RBM33: variants seen among roughly 807,000 people sequenced by gnomAD.
RBM33 encodes the protein RNA-binding protein 33.
In RBM33, 28 loss-of-function variants were observed where a neutral mutation model predicts 132.6. The ratio of observed to expected loss-of-function variants is 0.21; its 90% CI spans 0.16 to 0.29. The LOEUF (loss-of-function observed/expected upper bound fraction) is 0.29. RBM33 is among the 10% of genes least tolerant of loss of function. The pLI is 1.00. For missense variants in RBM33, 1,291 were observed against 1,518.5 expected (o/e 0.85, Z 2.49); for synonymous variants, 634 against 593.0 (o/e 1.07, Z -1.01).
At chr7:155,652,795 C>G (rs1028155700) in intron 1 of RBM33, among the ~76,000 whole-genome samples, 1 of 152,130 alleles carries the variant, frequency 6.6e-6, no homozygotes, top group Non-Finnish European at 1.5e-5. Context: ...CTTTAAAGTT[C>G]TGGACTAATG....
chr7:155,682,444 C>G (rs1250088368), intron 5 of RBM33, among the ~76,000 whole-genome samples: 2 of 152,192 alleles, frequency 1.3e-5, no homozygotes, highest in Admixed American at 1.3e-4. Flanking sequence ...AAGTTAGACA[C>G]TGTAATTTAA....
intron 7 of RBM33, among the ~76,000 whole-genome samples, chr7:155,710,908 ATT>A (rs34296454): frequency 5.3e-4 from 74 of 139,920 alleles, no homozygotes; most frequent in Middle Eastern, 7.0e-3. Flanking sequence ...CCTGAACTGA[ATT>A]TTTTTTTTTT....
At chr7:155,708,158 C>G (rs1800170582) in intron 7 of RBM33, among the ~76,000 whole-genome samples, 1 of 152,152 alleles carries the variant, frequency 6.6e-6, no homozygotes. Flanking sequence ...TGTGAAATAA[C>G]AAAGTAGAAG....
intron 1 of RBM33, among the ~76,000 whole-genome samples, chr7:155,648,691 A>T (rs959076739): frequency 1.3e-5 from 2 of 151,814 alleles, no homozygotes; most frequent in African/African-American, 4.8e-5. Flanking sequence ...GAGTTTGAGG[A>T]GTCGGGAAAG....
intron 2 of RBM33, 36 bp from the exon 3 acceptor site, chr7:155,672,831 A>G: frequency 4.0e-6 from 6 of 1,489,584 alleles, no homozygotes; most frequent in Middle Eastern, 1.7e-4. Context: ...GTCTTATGGG[A>G]ATAATCATTG....
intron 9 of RBM33, among the ~76,000 whole-genome samples, chr7:155,732,033 C>T (rs1800970099): frequency 6.6e-6 from 1 of 152,194 alleles, no homozygotes. Flanking sequence ...AAAAGGCCAG[C>T]TACAGAAGCA....
chr7:155,675,995 T>A (rs1799174594), intron 3 of RBM33, among the ~76,000 whole-genome samples: 1 of 152,224 alleles, frequency 6.6e-6, no homozygotes, highest in African/African-American at 2.4e-5. Context: ...GAATTTTTTT[T>A]CACGTGTTTA....
intron 11 of RBM33, chr7:155,739,093 G>A (rs1801229822): frequency 6.6e-6 from 1 of 152,070 alleles, no homozygotes; most frequent in African/African-American, 2.4e-5. Context: ...TATCTAGGGT[G>A]TTAAAGGAAG....
intron 1 of RBM33, 24 bp downstream of exon 1, chr7:155,644,943 G>A (rs1441255879): frequency 1.3e-6 from 2 of 1,489,656 alleles, no homozygotes; most frequent in East Asian, 5.7e-5. Context: ...CCGGACTCTG[G>A]GGGCCAGGAC....
chr7:155,683,021 T>G (rs775363045), intron 5 of RBM33, among the ~76,000 whole-genome samples: 3 of 151,616 alleles, frequency 2.0e-5, no homozygotes, highest in Non-Finnish European at 4.4e-5. Context: ...AAAAAAAAAC[T>G]TAGAAATTCT....
intron 14 of RBM33, among the ~76,000 whole-genome samples, chr7:155,750,514 T>G (rs575884555): frequency 6.6e-6 from 1 of 152,288 alleles, no homozygotes; most frequent in Admixed American, 6.5e-5. Flanking sequence ...TTTGAAGTGT[T>G]TGCATCTTGG....
At position 155,774,772 on chromosome 7, in the gene RBM33, G is replaced by C; in HGVS notation, c.3464+125G>C. ...CCTGTTCCTGTAGAAGGACACTAGG[G>C]CACAAAGCGCAGACGGTGATCCTGT... On this transcript the variant is annotated intron_variant, in intron 17 of 17. Transcript: ENST00000401878. The surrounding 1 kb of genome is among the most constrained non-coding windows in gnomAD (Gnocchi z 4.2). 2.3e-6 allele frequency: 2 copies of C among 864,218 alleles called. No homozygotes were observed. Among genetic ancestry groups the C allele is most frequent in the South Asian group, 1.4e-5 (1 of 69,514 alleles). 53.5% of individuals were successfully genotyped at this position (864,218 alleles called of 1,614,324 possible).
chr7:155,673,946 T>TTTGTTTTTG (rs1563138345), intron 3 of RBM33, among the ~76,000 whole-genome samples: 4 of 25,764 alleles, frequency 1.6e-4, no homozygotes, highest in African/African-American at 6.3e-4. Context: ...CTTAGTTTTT[T>TTTGTTTTTG]TTTTTTTTTT....
chr7:155,769,407 C>G (rs1167536511), intron 16 of RBM33, among the ~76,000 whole-genome samples: 1 of 152,176 alleles, frequency 6.6e-6, no homozygotes, highest in Non-Finnish European at 1.5e-5. Flanking sequence ...CCCGAGTCAG[C>G]TTTGCTCCCA....
rs1421586760 is a variant in RBM33 at position 155,661,146 on chromosome 7, A to ATATATATT, written c.44-4028_44-4027insATATATTT. 2.8e-3 allele frequency among the ~76,000 whole-genome samples: 231 copies of ATATATATT among 81,142 alleles called. 5 individuals carry two copies. Among genetic ancestry groups the ATATATATT allele is most frequent in the East Asian group, 9.8e-3 (27 of 2,760 alleles). The allele number at this position is 81,142 out of a possible 152,430, so 53.2% of individuals were successfully genotyped here. On this transcript the variant is annotated intron_variant, in intron 1 of 17. Transcript: ENST00000401878. Reference sequence around the variant, plus strand: ...TGTGTGTGTGTATATATATATATATATTTTTTTTTTTTTGAGACAGAGTCT... The same window carrying ATATATATT: ...TGTGTGTGTGTATATATATATATATATATATATTTTTTTTTTTTTTTGAGACAGAGTCT...
chr7:155,705,393 A>C (rs1049836482), intron 6 of RBM33, among the ~76,000 whole-genome samples: 45 of 152,250 alleles, frequency 3.0e-4, no homozygotes, highest in African/African-American at 1.1e-3. Context: ...TGAACTAATC[A>C]TGTAGTCAAG....
intron 4 of RBM33, among the ~76,000 whole-genome samples, 165 bp downstream of exon 4, chr7:155,678,849 T>C (rs1799256781): frequency 6.6e-6 from 1 of 152,200 alleles, no homozygotes; most frequent in African/African-American, 2.4e-5. Context: ...GCCATATGGA[T>C]GTTCTGTAAA....
chr7:155,699,310 G>A (rs1270639873), intron 5 of RBM33, among the ~76,000 whole-genome samples: 1 of 152,110 alleles, frequency 6.6e-6, no homozygotes, highest in African/African-American at 2.4e-5. Context: ...CAGAACCCCA[G>A]GCCCCATCCT....
chr7:155,686,744 CT>C (rs1458097324), intron 5 of RBM33, among the ~76,000 whole-genome samples: 1 of 152,004 alleles, frequency 6.6e-6, no homozygotes, highest in Non-Finnish European at 1.5e-5. Context: ...GTTTTTTGTC[CT>C]TGAGATAGTT....
Sources: allele counts gnomAD v4.1 joint callset (sites outside exome capture counted in the v4.1 genomes callset), GRCh38; gene constraint gnomAD v4.1.1; non-coding constraint Gnocchi (gnomAD v3.1); transcripts MANE v1.5; gene names NCBI Gene and HGNC (gene_info 2026-07-23, HGNC 2026-07-21).